Variants in RGS8 observed in about 807,000 individuals in gnomAD.
RGS8 encodes regulator of G-protein signaling 8.
RGS8 carries 8 observed loss-of-function variants against 21.7 expected under a neutral mutation model. The observed-to-expected ratio is 0.37, with a 90% CI of 0.22 to 0.66. RGS8 has a LOEUF of 0.66. RGS8 is among the 30% of genes least tolerant of loss of function. RGS8 has a pLI of 0.59. For missense variants in RGS8, 157 were observed against 217.9 expected (o/e 0.72, Z 1.76); for synonymous variants, 80 against 83.6 (o/e 0.96, Z 0.24).
the RGS8 span, chr1:182,714,444 G>A: frequency 2.0e-5 from 3 of 152,244 alleles, no homozygotes; most frequent in Admixed American, 6.5e-5. Context: ...TGAAAACACC[G>A]TTCTTCAAGC....
At chr1:182,656,427 A>C (rs1030993506) in intron 5 of RGS8, among the ~76,000 whole-genome samples, 8 of 152,174 alleles carry the variant, frequency 5.3e-5, no homozygotes, top group African/African-American at 1.9e-4. Context: ...GTTAGGTGCC[A>C]CCAATAACTT....
chr1:182,706,958 GA>G, the RGS8 span, among the ~76,000 whole-genome samples: 1 of 151,866 alleles, frequency 6.6e-6, no homozygotes, highest in South Asian at 2.1e-4. Flanking sequence ...AGGAGTTCAA[GA>G]CCAGCCTGCC....
the RGS8 span, among the ~76,000 whole-genome samples, chr1:182,747,791 C>T: frequency 2.6e-5 from 4 of 151,324 alleles, no homozygotes; most frequent in Non-Finnish European, 5.9e-5. Flanking sequence ...GGGAGAATGA[C>T]CTGAGTTTAA....
the RGS8 span, among the ~76,000 whole-genome samples, chr1:182,690,189 T>C: frequency 6.6e-6 from 1 of 152,218 alleles, no homozygotes; most frequent in African/African-American, 2.4e-5. Flanking sequence ...TAAGTTTATG[T>C]GTGAAAAGCC....
the RGS8 span, among the ~76,000 whole-genome samples, chr1:182,740,141 A>G: frequency 1.3e-5 from 2 of 152,176 alleles, no homozygotes; most frequent in African/African-American, 4.8e-5. Flanking sequence ...CCTAGTTTCC[A>G]TCTGTGCACA....
chr1:182,693,889 G>A, the RGS8 span, among the ~76,000 whole-genome samples: 5,382 of 152,192 alleles, frequency 0.035, 201 homozygotes, highest in East Asian at 0.16. Context: ...CAAGTGCCAC[G>A]TGTTCTCAAT....
chr1:182,720,999 G>GTA, the RGS8 span, among the ~76,000 whole-genome samples: 1 of 91,404 alleles, frequency 1.1e-5, no homozygotes, highest in Non-Finnish European at 2.3e-5. Context: ...ATATATGTGT[G>GTA]TATATATACA....
the RGS8 span, among the ~76,000 whole-genome samples, chr1:182,699,560 A>G: frequency 2.0e-5 from 3 of 152,254 alleles, no homozygotes; most frequent in Non-Finnish European, 2.9e-5. Flanking sequence ...GACACGTGCC[A>G]CATAGCTGTG....
the RGS8 span, among the ~76,000 whole-genome samples, chr1:182,742,457 C>T: frequency 6.6e-6 from 1 of 152,216 alleles, no homozygotes; most frequent in African/African-American, 2.4e-5. Flanking sequence ...CCATTGAGCA[C>T]TGAGTGAACG....
the RGS8 span, among the ~76,000 whole-genome samples, chr1:182,739,606 ATCT>A: frequency 6.6e-6 from 1 of 152,176 alleles, no homozygotes; most frequent in Non-Finnish European, 1.5e-5. Flanking sequence ...CTGCCTTGTT[ATCT>A]TCATGTTTTC....
chr1:182,740,708 G>T, the RGS8 span, among the ~76,000 whole-genome samples: 2 of 150,028 alleles, frequency 1.3e-5, no homozygotes, highest in African/African-American at 2.5e-5. Context: ...GCGGCCTTCC[G>T]CAGTGTTTGT....
At chr1:182,740,571 T>TAA in the RGS8 span, among the ~76,000 whole-genome samples, 1 of 136,266 alleles carries the variant, frequency 7.3e-6, no homozygotes, top group South Asian at 2.4e-4. Flanking sequence ...TTTTTTTTTT[T>TAA]TTATTGATCA....
the RGS8 span, among the ~76,000 whole-genome samples, chr1:182,735,997 T>G: frequency 6.6e-6 from 1 of 152,262 alleles, no homozygotes; most frequent in African/African-American, 2.4e-5. Context: ...TCTGTCATTG[T>G]TTTTGCCATG....
chr1:182,657,338 C>T (rs1297321222), intron 5 of RGS8, among the ~76,000 whole-genome samples: 1 of 152,024 alleles, frequency 6.6e-6, no homozygotes, highest in East Asian at 1.9e-4. Context: ...CTATCTTTCC[C>T]CTTTCCCTCC....
downstream of RGS8, chr1:182,643,695 T>C (rs1320382421): frequency 2.0e-5 from 3 of 152,204 alleles, no homozygotes; most frequent in Non-Finnish European, 4.4e-5. Context: ...TTCCTGTGCA[T>C]GCTCAAGTTT....
At chr1:182,677,633 GTC>G (rs751106484), upstream of RGS8, among the ~76,000 whole-genome samples, 31 of 152,190 alleles carry the variant, frequency 2.0e-4, no homozygotes, top group Non-Finnish European at 3.7e-4. Context: ...GGTTACGTAA[GTC>G]TCTGTTACCT....
At chr1:182,669,313 A>C (rs1664037053) in intron 3 of RGS8, among the ~76,000 whole-genome samples, 1 of 152,196 alleles carries the variant, frequency 6.6e-6, no homozygotes, top group Non-Finnish European at 1.5e-5. Context: ...AGTAACTCAC[A>C]GAGATCCCTA....
chr1:182,742,710 G>T, the RGS8 span, among the ~76,000 whole-genome samples: 1 of 152,316 alleles, frequency 6.6e-6, no homozygotes, highest in East Asian at 1.9e-4. Flanking sequence ...CTTTGGCTCG[G>T]CATCAGAGGG....
At chr1:182,732,267 TCTCATA>T in the RGS8 span, among the ~76,000 whole-genome samples, 685 of 133,040 alleles carry the variant, frequency 5.1e-3, 3 homozygotes, top group African/African-American at 0.02. Context: ...TCGCTCTCTC[TCTCATA>T]CACACACACA....
Sources: gnomAD v4.1 joint callset for allele counts (sites outside exome capture counted in the v4.1 genomes callset) on GRCh38, gnomAD v4.1.1 for gene constraint, MANE v1.5 for transcripts, NCBI Gene and HGNC (gene_info 2026-07-23, HGNC 2026-07-21) for gene names.